NTN4: variants seen among roughly 807,000 people sequenced by gnomAD.
NTN4 encodes the protein netrin 4, also known as netrin-4.
In NTN4, 32 loss-of-function variants were observed where a neutral mutation model predicts 73.6. The observed-to-expected ratio is 0.44, with a 90% confidence interval of 0.33 to 0.58. NTN4 has a LOEUF of 0.58. NTN4 is among the 20% of genes least tolerant of loss of function. NTN4 has a pLI of 0.04. For synonymous variants in NTN4, 258 were observed against 287.5 expected, an observed-to-expected ratio of 0.90 and a Z score of 1.04; for missense variants, 654 against 798.3, an observed-to-expected ratio of 0.82 and a Z score of 2.18.
chr12:95,713,277 G>A lies in NTN4; in HGVS notation c.926C>T (p.Pro309Leu), dbSNP rs771714554. The A allele has an allele frequency of 1.4e-5, 22 of 1,613,302 alleles. No individual in the cohort carries two copies. In the South Asian group the frequency reaches 1.4e-4, roughly 10 times the overall value. The change falls in exon 4 of 10, where the codon CCG becomes CTG. Residue 309 changes from proline (P) to leucine (L), a missense_variant. Physicochemically the swap from Pro to Leu is moderately conservative, Grantham distance 98 (BLOSUM62 -3). Transcript: ENST00000343702. ...CTCCCATGGCCGGTCATTGTATAAC[G>A]GGGCACAGTGCTGGCAGTGGCTGCC... Reference protein sequence around the residue: ...TAGSHCQHCAPLYNDRPWEAA... With the variant: ...TAGSHCQHCALLYNDRPWEAA...
chr12:95,696,611 T>A (rs2078444205), intron 5 of NTN4, among the ~76,000 whole-genome samples: 1 of 152,152 alleles, frequency 6.6e-6, no homozygotes, highest in Non-Finnish European at 1.5e-5. Context: ...TGCATCTTAA[T>A]AAGCAACAAT....
At position 95,769,918 on chromosome 12, in the gene NTN4, G is replaced by A. The variant is rs139124722; in HGVS notation, c.585+17021C>T. ...ATTATAAGCTTGCGCCACCACACCC[G>A]GCTAATTTTTGTCTTTTTTGTAGAG... On this transcript the variant is annotated intron_variant, in intron 2 of 9. Transcript: ENST00000343702. Among the ~76,000 whole-genome samples, 148 of 152,060 alleles carry A rather than the reference G, an allele frequency of 9.7e-4. 4 individuals carry two copies. The East Asian group carries it at 0.021, about 22-fold the overall frequency.
chr12:95,683,780 C>T (rs1446842826), intron 5 of NTN4, 69 bp from the exon 6 acceptor site: 1 of 1,292,884 alleles, frequency 7.7e-7, no homozygotes, highest in East Asian at 2.5e-5. Flanking sequence ...TTAGGCTTGA[C>T]CATCCCCAAG....
intron 8 of NTN4, among the ~76,000 whole-genome samples, chr12:95,668,396 T>A (rs1288146874): frequency 6.6e-6 from 1 of 152,204 alleles, no homozygotes; most frequent in Non-Finnish European, 1.5e-5. Context: ...TGAACTAAAT[T>A]ATCATATTCT....
At chr12:95,723,452 G>A (rs551987146) in intron 3 of NTN4, among the ~76,000 whole-genome samples, 2 of 152,258 alleles carry the variant, frequency 1.3e-5, no homozygotes, top group East Asian at 3.9e-4. Context: ...GTTGTGTCTG[G>A]TAGAATGCAA....
intron 2 of NTN4, among the ~76,000 whole-genome samples, chr12:95,770,993 T>C (rs1389528303): frequency 3.8e-5 from 5 of 130,726 alleles, no homozygotes; most frequent in African/African-American, 1.5e-4. Context: ...AAAGAATTTG[T>C]TTTTTTTTTT....
intron 9 of NTN4, among the ~76,000 whole-genome samples, chr12:95,664,824 G>A (rs1313166465): frequency 6.6e-6 from 1 of 152,040 alleles, no homozygotes; most frequent in Non-Finnish European, 1.5e-5. Context: ...TGTTGGCCAG[G>A]TTGGGCACAA....
chr12:95,751,526 G>T (rs932794215), intron 2 of NTN4, among the ~76,000 whole-genome samples: 5 of 152,064 alleles, frequency 3.3e-5, no homozygotes, highest in African/African-American at 1.2e-4. Flanking sequence ...TCCCATCTGT[G>T]TGGGACCCCA....
chr12:95,694,884 T>C (rs1279540600), intron 5 of NTN4, among the ~76,000 whole-genome samples: 1 of 152,168 alleles, frequency 6.6e-6, no homozygotes, highest in Non-Finnish European at 1.5e-5. Context: ...CCCAGCACTT[T>C]GGGAGGCCAA....
At chr12:95,669,069 G>A (rs115139316) in intron 8 of NTN4, among the ~76,000 whole-genome samples, 129 of 152,250 alleles carry the variant, frequency 8.5e-4, no homozygotes, top group African/African-American at 2.9e-3. Flanking sequence ...GGTTGTGGGC[G>A]TGGTGGCATA....
chr12:95,778,029 A>C (rs911304072), intron 2 of NTN4, among the ~76,000 whole-genome samples: 1 of 152,190 alleles, frequency 6.6e-6, no homozygotes, highest in Non-Finnish European at 1.5e-5. Flanking sequence ...ACTCAACTAC[A>C]TGGAAACTGA....
rs79140336 is a variant in NTN4, at chr12:95,697,855, A to G, written c.1180+12586T>C. On this transcript the variant is annotated intron_variant, in intron 5 of 9. Coordinates refer to ENST00000343702, the MANE Select transcript of NTN4 (RefSeq NM_021229.4). ...TGACCAGCTATGTGAACATGGGCAA[A>G]TTATATACAGTCATCCCTCAACATC... is the stretch of plus-strand genomic sequence containing the variant. 6.8e-4 allele frequency among the ~76,000 whole-genome samples: 104 copies of G among 152,254 alleles called. No individual in the cohort carries two copies. The East Asian group carries it at 0.016, about 24-fold the overall frequency.
At chr12:95,733,476 T>C (rs2078753081) in intron 3 of NTN4, among the ~76,000 whole-genome samples, 1 of 152,214 alleles carries the variant, frequency 6.6e-6, no homozygotes, top group South Asian at 2.1e-4. Context: ...GCAATGTAAG[T>C]AGTGTCTACC....
At chr12:95,680,863 G>T (rs537621774) in intron 7 of NTN4, among the ~76,000 whole-genome samples, 1 of 152,036 alleles carries the variant, frequency 6.6e-6, no homozygotes, top group South Asian at 2.1e-4. Context: ...ACAGGTGCAC[G>T]CCACCAAGCC....
chr12:95,728,570 G>A (rs1344979779), intron 3 of NTN4, among the ~76,000 whole-genome samples: 2 of 152,042 alleles, frequency 1.3e-5, no homozygotes, highest in Non-Finnish European at 2.9e-5. Flanking sequence ...AGGATTTTTT[G>A]CCTCTGTTCA....
At chr12:95,737,822 A>AACTT (rs779661362) in intron 3 of NTN4, 44 bp downstream of exon 3, 5 of 1,572,122 alleles carry the variant, frequency 3.2e-6, no homozygotes, top group Non-Finnish European at 4.3e-6. Flanking sequence ...AGCTGAAGGT[A>AACTT]ACTTATGATT....
chr12:95,713,436 A>G (rs1049794475), intron 3 of NTN4, 98 bp from the exon 4 acceptor site: 143 of 1,349,892 alleles, frequency 1.1e-4, no homozygotes, highest in Non-Finnish European at 1.4e-4. Flanking sequence ...GGCTTTAGTC[A>G]TAAGATGTTC....
At chr12:95,735,910 TTTA>T (rs879661276) in intron 3 of NTN4, among the ~76,000 whole-genome samples, 6 of 66,562 alleles carry the variant, frequency 9.0e-5, no homozygotes, top group Admixed American at 3.6e-4. Context: ...TAAATTTTTA[TTTA>T]TTTATTTATT....
intron 5 of NTN4, among the ~76,000 whole-genome samples, chr12:95,706,562 A>G (rs779424971): frequency 1.3e-5 from 2 of 152,230 alleles, no homozygotes; most frequent in Non-Finnish European, 2.9e-5. Context: ...ATATCACACT[A>G]TACTAATTGA....
Sources: gnomAD v4.1 joint callset for allele counts (sites outside exome capture counted in the v4.1 genomes callset) on GRCh38, gnomAD v4.1.1 for gene constraint, MANE v1.5 for transcripts, NCBI Gene and HGNC (gene_info 2026-07-23, HGNC 2026-07-21) for gene names.